Variants in RNF17 observed in about 807,000 individuals in gnomAD.
RNF17 encodes spermatogenesis associated 23.
RNF17 carries 31 observed loss-of-function variants against 200.5 expected under a neutral mutation model. The observed-to-expected ratio is 0.15, with a 90% confidence interval of 0.12 to 0.21. The LOEUF is 0.21. Ranked by LOEUF, RNF17 falls within the 10% of genes least tolerant of loss-of-function variation. The pLI is 1.00. For synonymous variants in RNF17, 606 were observed against 637.8 expected (o/e 0.95, Z 0.75); for missense variants, 1,628 against 1,905.1 (o/e 0.85, Z 2.71).
chr13:24,841,366 C>T (rs951816359), intron 18 of RNF17, among the ~76,000 whole-genome samples: 1 of 152,164 alleles, frequency 6.6e-6, no homozygotes, highest in Admixed American at 6.5e-5. Context: ...CCTGAGTTAA[C>T]TTTCATTCAC....
downstream of RNF17, chr13:24,884,069 C>A: frequency 6.2e-7 from 1 of 1,610,662 alleles, no homozygotes; most frequent in South Asian, 1.1e-5. Flanking sequence ...TTTCTTCCAT[C>A]TGGGTAATGT....
At chr13:24,883,260 C>T (rs201508087), downstream of RNF17, 24 of 1,614,008 alleles carry the variant, frequency 1.5e-5, no homozygotes, top group East Asian at 3.3e-4. Context: ...TCTTGATGAC[C>T]GTTTGCATAT....
chr13:24,840,871 C>T (rs1162284550), intron 18 of RNF17, among the ~76,000 whole-genome samples: 1 of 152,082 alleles, frequency 6.6e-6, no homozygotes, highest in African/African-American at 2.4e-5. Flanking sequence ...CACGTGTACC[C>T]CTATAACTTA....
At chr13:24,877,276 G>C in intron 34 of RNF17, 90 bp downstream of exon 34, 1 of 1,013,192 alleles carries the variant, frequency 9.9e-7, no homozygotes, top group South Asian at 1.4e-5. Context: ...GTCTACATGC[G>C]AGAGTATACT....
At position 24,860,170 on chromosome 13, in the gene RNF17, G is replaced by A. The variant is rs577275671; in HGVS notation, c.3774+1006G>A. On this transcript the variant is annotated intron_variant, in intron 26 of 35. Coordinates refer to ENST00000255324, the MANE Select transcript of RNF17 (RefSeq NM_031277.3). ...GTGCAAAGTGACATACATTCGAGTT[G>A]CTCAGATAACCCCTGACCTTTTTTT... 5.9e-5 allele frequency among the ~76,000 whole-genome samples: 9 copies of A among 151,624 alleles called. No individual in the cohort carries two copies. In the South Asian group the frequency reaches 1.9e-3, roughly 32 times the overall value.
rs1891059117 is a variant in RNF17 at position 24,844,779 on chromosome 13, A to G, written c.2959A>G (p.Met987Val). 2 of 1,613,726 alleles carry G rather than the reference A, an allele frequency of 1.2e-6. No individual in the cohort carries two copies. The change falls in exon 21 of 36, where the codon ATG becomes GTG. Residue 987 changes from methionine (M) to valine (V), a missense_variant. Physicochemically the swap from Met to Val is conservative, Grantham distance 21 (BLOSUM62 1). Transcript: ENST00000255324. ...NQWRRGQIIR[M>V]VTDTLVEVLL... ...GTGGCGAAGAGGCCAGATCATCAGAATGGTTACAGACACATTGGTAGAGGT... is the reference window on the plus strand; with the variant it reads ...GTGGCGAAGAGGCCAGATCATCAGAGTGGTTACAGACACATTGGTAGAGGT...
At chr13:24,764,491 AAG>A in intron 1 of RNF17, 158 bp downstream of exon 1, 2 of 700,612 alleles carry the variant, frequency 2.9e-6, no homozygotes, top group Middle Eastern at 7.3e-4. Flanking sequence ...CCCGACCTCT[AAG>A]AGGGCAGTGC....
At chr13:24,812,822 C>T (rs1045622925) in intron 15 of RNF17, among the ~76,000 whole-genome samples, 17 of 151,906 alleles carry the variant, frequency 1.1e-4, no homozygotes, top group Non-Finnish European at 1.5e-4. Flanking sequence ...GCTGGGACTA[C>T]GGGTGCCTGC....
downstream of RNF17, chr13:24,884,381 G>GTCT: frequency 1.2e-6 from 2 of 1,614,078 alleles, no homozygotes; most frequent in South Asian, 1.1e-5. Flanking sequence ...GACAGTGATG[G>GTCT]TCTTCCCATC....
chr13:24,833,243 G>C (rs1889620219), intron 18 of RNF17, among the ~76,000 whole-genome samples: 1 of 152,170 alleles, frequency 6.6e-6, no homozygotes, highest in South Asian at 2.1e-4. Flanking sequence ...TTCACTGTGA[G>C]GAAACTGGAG....
the RNF17 span, among the ~76,000 whole-genome samples, chr13:24,753,332 C>T: frequency 3.9e-5 from 6 of 152,304 alleles, no homozygotes; most frequent in Non-Finnish European, 8.8e-5. Flanking sequence ...CTGTTTGGCT[C>T]TGGAAACACG....
At chr13:24,862,618 T>A (rs1218089577) in intron 27 of RNF17, 95 bp from the exon 28 acceptor site, 2 of 733,272 alleles carry the variant, frequency 2.7e-6, no homozygotes, top group Non-Finnish European at 5.0e-6. Context: ...CTATCTGATA[T>A]TATTTGTTTA....
At chr13:24,866,621 T>C (rs1893653035) in intron 30 of RNF17, among the ~76,000 whole-genome samples, 1 of 152,280 alleles carries the variant, frequency 6.6e-6, no homozygotes, top group South Asian at 2.1e-4. Context: ...CTTCTTTTTG[T>C]TGCTGAATAA....
intron 25 of RNF17, among the ~76,000 whole-genome samples, chr13:24,858,542 C>T (rs1387572413): frequency 1.4e-5 from 2 of 145,158 alleles, no homozygotes; most frequent in African/African-American, 5.0e-5. Context: ...TGGTAACTGA[C>T]TCCAGAGCTT....
intron 32 of RNF17, 43 bp downstream of exon 32, chr13:24,870,782 CT>C (rs760314574): frequency 3.2e-6 from 5 of 1,566,694 alleles, no homozygotes; most frequent in Non-Finnish European, 2.6e-6. Context: ...CTTAATAAAA[CT>C]TGGATTTTGT....
At chr13:24,754,712 A>G in the RNF17 span, among the ~76,000 whole-genome samples, 3 of 152,050 alleles carry the variant, frequency 2.0e-5, no homozygotes, top group Admixed American at 2.0e-4. Flanking sequence ...CAACATGGTG[A>G]GCCACCATCT....
chr13:24,789,197 C>A (rs556483414), intron 7 of RNF17, 151 bp from the exon 8 acceptor site: 49 of 549,522 alleles, frequency 8.9e-5, no homozygotes, highest in Middle Eastern at 4.6e-4. Flanking sequence ...GTCATAAACA[C>A]TTATTTGTAT....
chr13:24,884,182 G>GT, downstream of RNF17: 1 of 1,614,184 alleles, frequency 6.2e-7, no homozygotes, highest in Non-Finnish European at 8.5e-7. Context: ...CTTGAGAAAT[G>GT]TAAGACTTCC....
chr13:24,789,652 A>G (rs750737460), intron 8 of RNF17, 46 bp from the exon 9 acceptor site: 2 of 1,223,132 alleles, frequency 1.6e-6, no homozygotes, highest in African/African-American at 3.0e-5. Context: ...AGAACATGAT[A>G]CATTTGTATT....
Sources: gnomAD v4.1 joint callset for allele counts (sites outside exome capture counted in the v4.1 genomes callset) on GRCh38, gnomAD v4.1.1 for gene constraint, MANE v1.5 for transcripts, NCBI Gene and HGNC (gene_info 2026-07-23, HGNC 2026-07-21) for gene names.